EHBP1: variants seen among roughly 807,000 people sequenced by gnomAD.
EHBP1 encodes the protein EH domain-binding protein 1.
A neutral mutation model predicts 144.0 loss-of-function variants in EHBP1; 55 were observed. The observed-to-expected ratio is 0.38, with a 90% CI of 0.31 to 0.48. EHBP1 has a LOEUF of 0.48. Ranked by LOEUF, EHBP1 falls within the 20% of genes least tolerant of loss-of-function variation. The pLI, the probability that EHBP1 is intolerant of heterozygous loss-of-function variation, is 0.98. For synonymous variants in EHBP1, 469 were observed against 472.7 expected (o/e 0.99, Z 0.10); for missense variants, 1,200 against 1,364.2 (o/e 0.88, Z 1.90).
intron 5 of EHBP1, among the ~76,000 whole-genome samples, chr2:62,790,872 C>G (rs1224614534): frequency 1.3e-5 from 2 of 152,024 alleles, no homozygotes; most frequent in Non-Finnish European, 2.9e-5. Flanking sequence ...GCATTGCTTT[C>G]AGGCAGTTAA....
At chr2:62,921,138 A>G (rs2055044868) in intron 10 of EHBP1, among the ~76,000 whole-genome samples, 1 of 152,188 alleles carries the variant, frequency 6.6e-6, no homozygotes, top group African/African-American at 2.4e-5. Flanking sequence ...CAGTGTTATA[A>G]TTTTAGGATG....
upstream of EHBP1, among the ~76,000 whole-genome samples, chr2:62,704,259 GTAT>G (rs1283169239): frequency 5.3e-5 from 8 of 152,212 alleles, no homozygotes; most frequent in African/African-American, 1.7e-4. Context: ...CTGTGCTCTT[GTAT>G]TATTAGATCA....
At chr2:62,894,842 C>G (rs2052747575) in intron 10 of EHBP1, among the ~76,000 whole-genome samples, 1 of 151,414 alleles carries the variant, frequency 6.6e-6, no homozygotes, top group Non-Finnish European at 1.5e-5. Context: ...TGCTTGAACC[C>G]AGGAGTTAGA....
chr2:62,691,482 G>T (rs1176537151), intron 1 of EHBP1, among the ~76,000 whole-genome samples: 3 of 152,218 alleles, frequency 2.0e-5, no homozygotes, highest in African/African-American at 4.8e-5. Context: ...GGTTGTAAAG[G>T]AGGCTGGCAG....
chr2:63,013,680 A>G (rs2060364214), intron 19 of EHBP1, among the ~76,000 whole-genome samples: 1 of 152,198 alleles, frequency 6.6e-6, no homozygotes, highest in South Asian at 2.1e-4. Flanking sequence ...CTACATCTTC[A>G]AGGACCACAT....
intron 7 of EHBP1, among the ~76,000 whole-genome samples, chr2:62,834,402 T>C (rs2047055631): frequency 6.6e-6 from 1 of 152,166 alleles, no homozygotes; most frequent in Non-Finnish European, 1.5e-5. Context: ...TTTAAGGAAT[T>C]ACCCAACCTT....
intron 5 of EHBP1, among the ~76,000 whole-genome samples, chr2:62,806,761 T>C (rs1238930934): frequency 6.6e-6 from 1 of 152,120 alleles, no homozygotes; most frequent in African/African-American, 2.4e-5. Flanking sequence ...GTTTGGCTTT[T>C]AGTTCCCCCA....
intron 15 of EHBP1, among the ~76,000 whole-genome samples, chr2:62,980,448 AC>A (rs1403592427): frequency 6.6e-6 from 1 of 152,150 alleles, no homozygotes; most frequent in Non-Finnish European, 1.5e-5. Context: ...GGGTTTGAGG[AC>A]CCCTGCCTAA....
intron 2 of EHBP1, among the ~76,000 whole-genome samples, chr2:62,715,786 T>C (rs1435471429): frequency 6.6e-6 from 1 of 152,192 alleles, no homozygotes; most frequent in African/African-American, 2.4e-5. Context: ...CCCAATATCA[T>C]CAGGTTGCTT....
chr2:62,710,752 T>C (rs929904124), intron 2 of EHBP1, among the ~76,000 whole-genome samples: 2 of 152,186 alleles, frequency 1.3e-5, no homozygotes, highest in African/African-American at 4.8e-5. Flanking sequence ...CTCTTTAATC[T>C]GATGTTCCAG....
chr2:62,879,194 G>A (rs1325198302), intron 10 of EHBP1, among the ~76,000 whole-genome samples: 1 of 151,994 alleles, frequency 6.6e-6, no homozygotes, highest in Non-Finnish European at 1.5e-5. Context: ...ATACTGAATG[G>A]GCAAAAGCTG....
intron 5 of EHBP1, among the ~76,000 whole-genome samples, chr2:62,823,289 G>A (rs2046116287): frequency 6.6e-6 from 1 of 152,106 alleles, no homozygotes; most frequent in South Asian, 2.1e-4. Flanking sequence ...TAGGCCCAGA[G>A]ACAGTTATTC....
At chr2:62,741,356 C>T (rs545301335) in intron 2 of EHBP1, among the ~76,000 whole-genome samples, 144 of 152,240 alleles carry the variant, frequency 9.5e-4, no homozygotes, top group Non-Finnish European at 1.5e-3. Flanking sequence ...GAGCATAAAT[C>T]TGATAGTCAG....
At chr2:62,868,067 AAAGT>A (rs1195083938) in intron 9 of EHBP1, among the ~76,000 whole-genome samples, 1 of 152,146 alleles carries the variant, frequency 6.6e-6, no homozygotes, top group Non-Finnish European at 1.5e-5. Context: ...CACACAACTA[AAAGT>A]AAGAATAAAA....
intron 10 of EHBP1, among the ~76,000 whole-genome samples, chr2:62,889,281 A>G (rs1294996765): frequency 6.7e-6 from 1 of 149,566 alleles, no homozygotes; most frequent in Non-Finnish European, 1.5e-5. Context: ...TAAATTCCTT[A>G]TAGATGCTGG....
intron 4 of EHBP1, among the ~76,000 whole-genome samples, chr2:62,767,079 C>T (rs982354020): frequency 1.3e-4 from 20 of 151,958 alleles, no homozygotes; most frequent in South Asian, 2.1e-4. Flanking sequence ...TCAGTAGCCC[C>T]GCTGATTTGC....
At chr2:62,903,729 G>A (rs2053584032) in intron 10 of EHBP1, among the ~76,000 whole-genome samples, 1 of 152,106 alleles carries the variant, frequency 6.6e-6, no homozygotes, top group Non-Finnish European at 1.5e-5. Flanking sequence ...TTGCACCATT[G>A]CACTCCAGCC....
Position 62,860,616 on chromosome 2 carries a change from A to G in EHBP1, c.757+1325A>G, listed in dbSNP as rs535938772. Reference sequence around the variant, plus strand: ...TTAGGTTAGATGGAGGTGGAGTTGGAACTAAGATTCTTAATCAGGTATCCT... The same window carrying G: ...TTAGGTTAGATGGAGGTGGAGTTGGGACTAAGATTCTTAATCAGGTATCCT... On this transcript the variant is annotated intron_variant, in intron 8 of 22. Transcript: ENST00000431489. Among the ~76,000 whole-genome samples, 15 of 152,348 alleles carry G rather than the reference A, an allele frequency of 9.8e-5. No homozygotes were observed. In the South Asian group the frequency reaches 3.1e-3, roughly 32 times the overall value.
Position 62,930,938 on chromosome 2 carries a change from G to T in EHBP1, c.1186-11780G>T, listed in dbSNP as rs1358414546. Among the ~76,000 whole-genome samples, 3 of 152,074 alleles carry T rather than the reference G, an allele frequency of 2.0e-5. No individual in the cohort carries two copies. In the East Asian group the frequency reaches 5.8e-4, roughly 29 times the overall value. On this transcript the variant is annotated intron_variant, in intron 10 of 22. Transcript: ENST00000431489. ...CATAAATCTCTTAGAATAAAACATAGGGCAAAAACAAAACATTGGATTTGG... is the reference window on the plus strand; with the variant it reads ...CATAAATCTCTTAGAATAAAACATATGGCAAAAACAAAACATTGGATTTGG...
Sources: gnomAD v4.1 joint callset for allele counts (sites outside exome capture counted in the v4.1 genomes callset) on GRCh38, gnomAD v4.1.1 for gene constraint, MANE v1.5 for transcripts, NCBI Gene and HGNC (gene_info 2026-07-23, HGNC 2026-07-21) for gene names.